Variants in CDH26 observed in about 807,000 individuals in gnomAD.
CDH26 encodes cadherin 26.
Under a neutral mutation model 90.3 loss-of-function variants are expected in CDH26, and 83 were observed. The observed-to-expected ratio is 0.92, with a 90% CI of 0.77 to 1.10. The LOEUF is 1.10. Among genes scored for constraint, CDH26 ranks in the 50% least tolerant of loss-of-function variants. The pLI is 0.00. For missense variants in CDH26, 1,013 were observed against 1,037.6 expected (o/e 0.98, Z 0.33); for synonymous variants, 397 against 396.3 (o/e 1.00, Z -0.02).
At chr20:59,989,845 A>AG (rs2061506893) in intron 9 of CDH26, among the ~76,000 whole-genome samples, 2 of 152,290 alleles carry the variant, frequency 1.3e-5, no homozygotes, top group African/African-American at 4.8e-5. Context: ...AAGAAAAGTG[A>AG]GGGTTTTTTT....
downstream of CDH26, among the ~76,000 whole-genome samples, chr20:60,016,707 G>C (rs1048604610): frequency 6.6e-6 from 1 of 152,196 alleles, no homozygotes; most frequent in Admixed American, 6.5e-5. Flanking sequence ...TAGGGGAATA[G>C]TTTCCAACTT....
In CDH26 at chr20:60,012,687, C is replaced by T. The variant is rs2061863209; in HGVS notation, c.2456C>T (p.Thr819Ile). Reference sequence around the variant, plus strand: ...CTGGACTCTTTGGGTTCAAAAGCGACTCCGTTTGAGGAAATATATTCAGAG... The same window carrying T: ...CTGGACTCTTTGGGTTCAAAAGCGATTCCGTTTGAGGAAATATATTCAGAG... ...DLLDSLGSKA[T>I]PFEEIYSESG... The change falls in exon 18 of 18, where the codon ACT becomes ATT. Residue 819 changes from threonine (T) to isoleucine (I), a missense_variant. Transcript: ENST00000348616. The T allele has an allele frequency of 1.9e-6, 3 of 1,613,926 alleles. No homozygotes were observed. Among genetic ancestry groups the T allele is most frequent in the Non-Finnish European group, 2.5e-6 (3 of 1,180,000 alleles).
At chr20:59,984,598 AC>A in intron 5 of CDH26, 40 bp from the exon 6 acceptor site, 1 of 1,551,848 alleles carries the variant, frequency 6.4e-7, no homozygotes, top group Non-Finnish European at 8.8e-7. Flanking sequence ...TTGATAGGCT[AC>A]CTTTATCTGA....
intron 4 of CDH26, among the ~76,000 whole-genome samples, chr20:59,973,638 A>T (rs1263283993): frequency 2.6e-5 from 4 of 152,214 alleles, no homozygotes; most frequent in African/African-American, 7.2e-5. Context: ...AAGTGAGAAC[A>T]TGCAGTATTG....
At chr20:60,004,957 T>C (rs195002) in intron 16 of CDH26, among the ~76,000 whole-genome samples, 28,638 of 151,416 alleles carry the variant, frequency 0.19, 6,885 homozygotes, top group African/African-American at 0.57. Flanking sequence ...CCTTGAACAA[T>C]AGGAGTTTGA....
intron 11 of CDH26, 101 bp from the exon 12 acceptor site, chr20:59,995,732 T>C: frequency 9.4e-7 from 1 of 1,067,526 alleles, no homozygotes; most frequent in South Asian, 1.4e-5. Flanking sequence ...TGGCTTACTT[T>C]CATACAGAGC....
At chr20:60,002,288 G>T (rs1482944055) in intron 15 of CDH26, among the ~76,000 whole-genome samples, 5 of 151,680 alleles carry the variant, frequency 3.3e-5, no homozygotes, top group Non-Finnish European at 7.4e-5. Flanking sequence ...CTCCCGCATT[G>T]ATGAATGTTG....
chr20:60,018,736 T>G (rs1204520082), downstream of CDH26, among the ~76,000 whole-genome samples: 1 of 84,882 alleles, frequency 1.2e-5, no homozygotes, highest in Non-Finnish European at 2.4e-5. Flanking sequence ...TTTTTTTTTT[T>G]GCAGTTGGGT....
intron 12 of CDH26, 172 bp from the exon 13 acceptor site, chr20:59,996,459 A>G: frequency 6.2e-7 from 1 of 1,604,684 alleles, no homozygotes; most frequent in South Asian, 1.1e-5. Flanking sequence ...GTTATGTAGC[A>G]TCTACTGGTA....
At chr20:60,012,439 T>A in intron 17 of CDH26, 88 bp from the exon 18 acceptor site, 1 of 1,260,746 alleles carries the variant, frequency 7.9e-7, no homozygotes, top group Non-Finnish European at 1.1e-6. Flanking sequence ...ACTACTGCAT[T>A]GATGTGTTCC....
chr20:59,968,402 A>T (rs1738159136), intron 1 of CDH26, among the ~76,000 whole-genome samples: 1 of 152,096 alleles, frequency 6.6e-6, no homozygotes, highest in Non-Finnish European at 1.5e-5. Flanking sequence ...TGGCTGACTT[A>T]TCTCTTTCTA....
At chr20:60,005,416 A>C (rs1192566293) in intron 16 of CDH26, among the ~76,000 whole-genome samples, 2 of 152,186 alleles carry the variant, frequency 1.3e-5, no homozygotes, top group Non-Finnish European at 2.9e-5. Flanking sequence ...ACATGTACAG[A>C]GGCATGAGTA....
chr20:60,031,246 C>T (rs1186025969), exon 8 of CDH26: 5 of 1,220,924 alleles, frequency 4.1e-6, no homozygotes, highest in African/African-American at 1.6e-5. Flanking sequence ...AGAGAGAAAT[C>T]GCTTCAGCCT....
chr20:59,977,260 G>A lies in CDH26; in HGVS notation c.393+5137G>A, dbSNP rs537545526. 2.5e-4 allele frequency among the ~76,000 whole-genome samples: 38 copies of A among 152,184 alleles called. 1 individual carries two copies. The South Asian group carries it at 7.5e-3, about 30-fold the overall frequency. On this transcript the variant is annotated intron_variant, in intron 4 of 17. Coordinates refer to ENST00000348616, the MANE Select transcript of CDH26 (RefSeq NM_177980.4). ...CCCCAAGCAGGATACTGTACCTGGC[G>A]ACCAGTTGACCCTTGAGAATCCAGT...
intron 13 of CDH26, among the ~76,000 whole-genome samples, chr20:59,998,480 G>C (rs1232475907): frequency 1.3e-5 from 2 of 152,216 alleles, no homozygotes; most frequent in African/African-American, 4.8e-5. Flanking sequence ...AGGAGGGTTG[G>C]AGGGGGCTTA....
intron 7 of CDH26, among the ~76,000 whole-genome samples, chr20:59,985,690 A>G (rs1569038199): frequency 6.6e-6 from 1 of 152,184 alleles, no homozygotes; most frequent in Non-Finnish European, 1.5e-5. Flanking sequence ...GATATGTGCA[A>G]TTCTCCAAAG....
Position 60,024,022 on chromosome 20 carries a change from A to T in CDH26, c.948-7209A>T, listed in dbSNP as rs1252064334. On this transcript the variant is annotated intron_variant, in intron 7 of 8. Coordinates refer to the CDH26 transcript ENST00000370991. The stretch of plus-strand genomic sequence containing the variant: ...CAGAGCATGGAGGCCCATAAGGAAA[A>T]ACCAGAAGTTTCAGCATTAAAAACG... Among the ~76,000 whole-genome samples, 3 of 152,126 alleles carry T rather than the reference A, an allele frequency of 2.0e-5. No homozygotes were observed. In the East Asian group the frequency reaches 5.8e-4, roughly 29 times the overall value.
At chr20:60,033,580 G>T in exon 9 of CDH26, 2 of 1,304,662 alleles carry the variant, frequency 1.5e-6, no homozygotes, top group Non-Finnish European at 2.0e-6. Flanking sequence ...TCCAGAGTGC[G>T]CATTCCCCAT....
At chr20:60,009,691 G>A (rs1193094076) in intron 17 of CDH26, among the ~76,000 whole-genome samples, 3 of 152,096 alleles carry the variant, frequency 2.0e-5, no homozygotes, top group Non-Finnish European at 4.4e-5. Flanking sequence ...GGTGGTGTAT[G>A]ATGAATTATT....
Sources: allele counts gnomAD v4.1 joint callset (sites outside exome capture counted in the v4.1 genomes callset), GRCh38; gene constraint gnomAD v4.1.1; transcripts MANE v1.5; gene names NCBI Gene and HGNC (gene_info 2026-07-23, HGNC 2026-07-21).